MACROD2: variants seen among roughly 807,000 people sequenced by gnomAD.
The protein encoded by MACROD2 is mono-ADP ribosylhydrolase 2.
MACROD2 carries 36 observed loss-of-function variants against 70.4 expected under a neutral mutation model. That is an observed-to-expected ratio of 0.51 (90% CI 0.39 to 0.68). The LOEUF is 0.68. Ranked by LOEUF, MACROD2 falls within the 30% of genes least tolerant of loss-of-function variation. The pLI is 0.00. For synonymous variants in MACROD2, 172 were observed against 178.8 expected (o/e 0.96, Z 0.30); for missense variants, 496 against 538.4 (o/e 0.92, Z 0.78).
chr20:15,106,907 T>C (rs2075914832), intron 5 of MACROD2, among the ~76,000 whole-genome samples: 1 of 151,426 alleles, frequency 6.6e-6, no homozygotes, highest in Non-Finnish European at 1.5e-5. Context: ...AAACACATTG[T>C]ATTTTAGAAA....
intron 12 of MACROD2, among the ~76,000 whole-genome samples, chr20:15,966,893 G>A (rs1186302719): frequency 6.6e-6 from 1 of 152,142 alleles, no homozygotes; most frequent in Non-Finnish European, 1.5e-5. Flanking sequence ...GGAGCCCTTT[G>A]TAGTTTTGCA....
At position 15,457,302 on chromosome 20, in the gene MACROD2, T is replaced by C. The variant is rs532998579; in HGVS notation, c.571+25867T>C. ...TCTATTTTGAGGAGCTAAAATGGTATAATGATAGATCTGGAAGTTATAAAA... is the reference window on the plus strand; with the variant it reads ...TCTATTTTGAGGAGCTAAAATGGTACAATGATAGATCTGGAAGTTATAAAA... On this transcript the variant is annotated intron_variant, in intron 7 of 17. Transcript: ENST00000684519. Among the ~76,000 whole-genome samples, 17 of 152,272 alleles carry C rather than the reference T, an allele frequency of 1.1e-4. No homozygotes were observed. In the South Asian group the frequency reaches 1.9e-3, roughly 17 times the overall value.
At chr20:15,721,333 G>A (rs1278755091) in intron 8 of MACROD2, among the ~76,000 whole-genome samples, 1 of 152,138 alleles carries the variant, frequency 6.6e-6, no homozygotes, top group Non-Finnish European at 1.5e-5. Context: ...GAATCGTCTT[G>A]CAAATGTTGT....
intron 4 of MACROD2, among the ~76,000 whole-genome samples, chr20:14,622,382 AGTCATATAT>A (rs2123455270): frequency 6.6e-6 from 1 of 152,310 alleles, no homozygotes; most frequent in Admixed American, 6.5e-5. Context: ...TGCTGTGTGC[AGTCATATAT>A]GTGTACAGCA....
intron 8 of MACROD2, among the ~76,000 whole-genome samples, chr20:15,535,128 A>G (rs1413121351): frequency 6.6e-6 from 1 of 152,088 alleles, no homozygotes; most frequent in Non-Finnish European, 1.5e-5. Flanking sequence ...GGCAGGTGCC[A>G]CTGTGCTCAG....
chr20:14,727,289 G>A (rs1226411807), intron 5 of MACROD2, among the ~76,000 whole-genome samples: 5 of 152,136 alleles, frequency 3.3e-5, no homozygotes, highest in Non-Finnish European at 7.4e-5. Flanking sequence ...CCAGCACTTT[G>A]GGAGGCTGAG....
intron 2 of MACROD2, among the ~76,000 whole-genome samples, chr20:14,077,091 TTTAATG>T (rs2053924885): frequency 6.6e-6 from 1 of 152,218 alleles, no homozygotes; most frequent in South Asian, 2.1e-4. Flanking sequence ...GCTAGCTTTG[TTTAATG>T]TTATAGTATG....
At chr20:15,853,483 G>A (rs1378928817) in intron 8 of MACROD2, among the ~76,000 whole-genome samples, 1 of 152,126 alleles carries the variant, frequency 6.6e-6, no homozygotes, top group Non-Finnish European at 1.5e-5. Context: ...CATCACATGA[G>A]TTCTTTAAAT....
chr20:15,348,429 C>T (rs2078190355), intron 6 of MACROD2, among the ~76,000 whole-genome samples: 2 of 152,136 alleles, frequency 1.3e-5, no homozygotes. Context: ...TTAATGTTTC[C>T]TTAACCTCCA....
At chr20:14,617,352 C>A (rs1983542734) in intron 4 of MACROD2, among the ~76,000 whole-genome samples, 1 of 152,088 alleles carries the variant, frequency 6.6e-6, no homozygotes, top group Non-Finnish European at 1.5e-5. Flanking sequence ...GGAGTAATGA[C>A]TCACTGTGAT....
intron 6 of MACROD2, among the ~76,000 whole-genome samples, chr20:15,350,181 TTTTGGCA>T (rs1782543603): frequency 1.3e-5 from 2 of 152,322 alleles, no homozygotes; most frequent in Admixed American, 6.5e-5. Flanking sequence ...TACGCCTTGC[TTTTGGCA>T]TTTGTTTTTT....
chr20:15,430,024 T>C (rs969360942), intron 6 of MACROD2, among the ~76,000 whole-genome samples: 1 of 152,096 alleles, frequency 6.6e-6, no homozygotes, highest in Non-Finnish European at 1.5e-5. Flanking sequence ...ATGCAGTATT[T>C]GTCTTTCTGT....
chr20:15,418,148 A>G (rs1374810405), intron 6 of MACROD2, among the ~76,000 whole-genome samples: 1 of 152,220 alleles, frequency 6.6e-6, no homozygotes, highest in African/African-American at 2.4e-5. Context: ...AAGAATAATA[A>G]TAATGCTTTC....
At chr20:15,591,475 C>T (rs1324249536) in intron 8 of MACROD2, among the ~76,000 whole-genome samples, 2 of 151,668 alleles carry the variant, frequency 1.3e-5, no homozygotes, top group African/African-American at 4.9e-5. Flanking sequence ...CCTGTCACTG[C>T]CCCTCTGTCC....
intron 3 of MACROD2, among the ~76,000 whole-genome samples, chr20:14,370,713 C>T (rs1334403820): frequency 1.3e-5 from 2 of 152,164 alleles, no homozygotes; most frequent in East Asian, 3.9e-4. Flanking sequence ...ATTGGTGTCA[C>T]TACTTCAGTG....
At chr20:15,160,645 C>G (rs1233979813) in intron 5 of MACROD2, among the ~76,000 whole-genome samples, 1 of 152,074 alleles carries the variant, frequency 6.6e-6, no homozygotes, top group African/African-American at 2.4e-5. Flanking sequence ...ATCCTCTCCC[C>G]ACTATCTGCC....
At chr20:14,501,667 A>C (rs989642371) in intron 4 of MACROD2, among the ~76,000 whole-genome samples, 4 of 152,148 alleles carry the variant, frequency 2.6e-5, no homozygotes, top group Non-Finnish European at 4.4e-5. Flanking sequence ...ATAGAGGTTT[A>C]GTCATTCTTT....
intron 6 of MACROD2, among the ~76,000 whole-genome samples, chr20:15,260,118 GT>G (rs1326725022): frequency 6.6e-6 from 1 of 151,474 alleles, no homozygotes; most frequent in South Asian, 2.1e-4. Flanking sequence ...TTCAGCAATA[GT>G]TTTTTTGTGT....
chr20:15,370,790 A>G (rs1257188776), intron 6 of MACROD2, among the ~76,000 whole-genome samples: 1 of 152,048 alleles, frequency 6.6e-6, no homozygotes, highest in East Asian at 1.9e-4. Flanking sequence ...TTTTTTAACT[A>G]TGAATAGAGA....
Sources: gnomAD v4.1 joint callset for allele counts (sites outside exome capture counted in the v4.1 genomes callset) on GRCh38, gnomAD v4.1.1 for gene constraint, MANE v1.5 for transcripts, NCBI Gene and HGNC (gene_info 2026-07-23, HGNC 2026-07-21) for gene names.